Variants in VSTM5 observed in about 807,000 individuals in gnomAD.
The protein encoded by VSTM5 is V-set and transmembrane domain containing 5, also known as V-set and transmembrane domain-containing protein 5.
In VSTM5, 21 loss-of-function variants were observed where a neutral mutation model predicts 20.3. The ratio of observed to expected loss-of-function variants is 1.03; its 90% confidence interval spans 0.73 to 1.49. The LOEUF (loss-of-function observed/expected upper bound fraction) is 1.49, where lower values mean the gene tolerates loss of function less well. Among genes scored for constraint, VSTM5 ranks in the 40% most tolerant of loss-of-function variants. The pLI is 0.00. For missense variants in VSTM5, 219 were observed against 250.0 expected, an observed-to-expected ratio of 0.88 and a Z score of 0.84; for synonymous variants, 100 against 102.5, an observed-to-expected ratio of 0.98 and a Z score of 0.14.
intron 1 of VSTM5, among the ~76,000 whole-genome samples, chr11:93,834,910 A>G (rs1944312076): frequency 1.3e-5 from 2 of 152,264 alleles, no homozygotes; most frequent in South Asian, 4.1e-4. Flanking sequence ...TTCATGAATG[A>G]ACGAACCCAT....
chr11:93,824,576 C>G (rs1475350050), intron 1 of VSTM5, among the ~76,000 whole-genome samples: 1 of 152,146 alleles, frequency 6.6e-6, no homozygotes, highest in Non-Finnish European at 1.5e-5. Flanking sequence ...TGGATATTAA[C>G]CCCTTTCCAG....
At chr11:93,838,426 C>T (rs533344353) in intron 1 of VSTM5, among the ~76,000 whole-genome samples, 1 of 152,094 alleles carries the variant, frequency 6.6e-6, no homozygotes, top group South Asian at 2.1e-4. Flanking sequence ...GAGCCAAGAA[C>T]AGGCCACTGC....
At chr11:93,848,942 C>T (rs1944435497) in intron 1 of VSTM5, among the ~76,000 whole-genome samples, 1 of 152,074 alleles carries the variant, frequency 6.6e-6, no homozygotes, top group African/African-American at 2.4e-5. Context: ...ACAAACACAC[C>T]CATCCACCTG....
rs1431587266 is a variant in VSTM5, at chr11:93,820,765, C to T, written c.537G>A (p.Arg179=). Residue 179 remains arginine (R), a synonymous_variant, in exon 3 of 4, where the codon AGG becomes AGA. Transcript: ENST00000409977. The stretch of plus-strand genomic sequence containing the variant: ...TACCTTTGAGTTTGTGTCTTCTCTT[C>T]CTCTGAAATTTATATGCACACTTAT... The part of the protein sequence containing the change: ...VCNKCAYKFQ[R]KRRHKLKEST... The T allele has an allele frequency of 1.3e-6, 2 of 1,551,562 alleles. No individual in the cohort carries two copies. Among genetic ancestry groups the T allele is most frequent in the Non-Finnish European group, 1.7e-6 (2 of 1,147,020 alleles).
chr11:93,836,010 C>T (rs779252749), intron 1 of VSTM5, among the ~76,000 whole-genome samples: 5 of 152,144 alleles, frequency 3.3e-5, no homozygotes, highest in African/African-American at 1.2e-4. Context: ...CAGATTTGGT[C>T]GTCTGGTGTC....
At chr11:93,826,436 T>C (rs1944238804) in intron 1 of VSTM5, among the ~76,000 whole-genome samples, 1 of 151,372 alleles carries the variant, frequency 6.6e-6, no homozygotes, top group Admixed American at 6.6e-5. Flanking sequence ...CTTGCTCTGT[T>C]GCCCAGGCTG....
chr11:93,838,529 C>T (rs1008193584), intron 1 of VSTM5, among the ~76,000 whole-genome samples: 1 of 150,822 alleles, frequency 6.6e-6, no homozygotes, highest in Non-Finnish European at 1.5e-5. Flanking sequence ...CAGTGGGTCA[C>T]ACCTGTAATC....
Position 93,822,702 on chromosome 11 carries a change from C to T in VSTM5, c.92-1379G>A, listed in dbSNP as rs542902281. 2.2e-3 allele frequency among the ~76,000 whole-genome samples: 340 copies of T among 152,110 alleles called. 2 individuals are homozygous for T. Among genetic ancestry groups the T allele is most frequent in the Non-Finnish European group, 3.6e-3 (246 of 67,994 alleles). ...ATGGGGTTTTGTCATGTTGGCCAGGCTGGTCTTGAACTCCTGGCCTCAATT... is the reference window on the plus strand; with the variant it reads ...ATGGGGTTTTGTCATGTTGGCCAGGTTGGTCTTGAACTCCTGGCCTCAATT... On this transcript the variant is annotated intron_variant, in intron 1 of 3. Coordinates refer to ENST00000409977, the MANE Select transcript of VSTM5 (RefSeq NM_001144871.2).
At chr11:93,842,060 C>T (rs777322495) in intron 1 of VSTM5, among the ~76,000 whole-genome samples, 35 of 152,158 alleles carry the variant, frequency 2.3e-4, no homozygotes, top group Admixed American at 3.3e-4. Context: ...CCGCCTCCTG[C>T]AGCAGAATAA....
intron 1 of VSTM5, among the ~76,000 whole-genome samples, chr11:93,823,229 T>A (rs1332753543): frequency 2.7e-5 from 4 of 150,918 alleles, no homozygotes; most frequent in South Asian, 2.1e-4. Flanking sequence ...AGAGATGAGG[T>A]CTTTCTGTGT....
chr11:93,826,980 C>CT (rs1289430541), intron 1 of VSTM5, among the ~76,000 whole-genome samples: 1 of 152,204 alleles, frequency 6.6e-6, no homozygotes, highest in East Asian at 1.9e-4. Flanking sequence ...TTTGTTAAGC[C>CT]TTGAGAAAAA....
chr11:93,833,709 C>G (rs1033970184), intron 1 of VSTM5, among the ~76,000 whole-genome samples: 9 of 152,168 alleles, frequency 5.9e-5, no homozygotes, highest in African/African-American at 1.9e-4. Context: ...CCACACTCTC[C>G]TCTCTCAACA....
intron 1 of VSTM5, among the ~76,000 whole-genome samples, chr11:93,850,169 GGCGCCGC>G (rs746471883): frequency 6.6e-6 from 1 of 152,142 alleles, no homozygotes; most frequent in East Asian, 1.9e-4. Context: ...AGTGGGCCGG[GGCGCCGC>G]GGCCGGTAGC....
At chr11:93,833,305 A>G (rs1455531702) in intron 1 of VSTM5, among the ~76,000 whole-genome samples, 1 of 152,234 alleles carries the variant, frequency 6.6e-6, no homozygotes, top group Non-Finnish European at 1.5e-5. Flanking sequence ...ATGGATGGGC[A>G]TGGTGGCTCA....
chr11:93,849,514 T>C (rs1210935300), intron 1 of VSTM5, among the ~76,000 whole-genome samples: 1 of 152,200 alleles, frequency 6.6e-6, no homozygotes, highest in Non-Finnish European at 1.5e-5. Context: ...GAGTAGTTTA[T>C]TAGGGTTGCC....
Position 93,821,170 on chromosome 11 carries a change from TTCCACTCCACGATC to T in VSTM5, c.231_244del (p.Ile78ThrfsTer19). 3 of 1,552,230 alleles carry T rather than the reference TTCCACTCCACGATC, an allele frequency of 1.9e-6. No homozygotes were observed. Among genetic ancestry groups the T allele is most frequent in the Non-Finnish European group, 2.6e-6 (3 of 1,147,106 alleles). On this transcript the variant is annotated frameshift_variant, in exon 2 of 4. Transcript: ENST00000409977. LOFTEE classifies it high-confidence loss of function. ...AGAGATGTTGGCCTGAGTCCCTGGTTTCCACTCCACGATCTTCTGCGTTCCCCAATTGGATGAAT... is the reference window on the plus strand; with the variant it reads ...AGAGATGTTGGCCTGAGTCCCTGGTTTTCTGCGTTCCCCAATTGGATGAAT...
intron 1 of VSTM5, among the ~76,000 whole-genome samples, chr11:93,823,968 C>T (rs902396511): frequency 1.8e-4 from 26 of 143,744 alleles, no homozygotes; most frequent in African/African-American, 4.9e-4. Flanking sequence ...AGTGCAGTGG[C>T]GCAATCTCGG....
intron 1 of VSTM5, among the ~76,000 whole-genome samples, chr11:93,843,462 A>C (rs1172167715): frequency 7.6e-6 from 1 of 130,856 alleles, no homozygotes; most frequent in African/African-American, 3.4e-5. Flanking sequence ...ATGTACCTGA[A>C]TGAATGAATG....
At chr11:93,838,620 C>T (rs987940427) in intron 1 of VSTM5, among the ~76,000 whole-genome samples, 4 of 140,674 alleles carry the variant, frequency 2.8e-5, no homozygotes, top group Non-Finnish European at 6.1e-5. Flanking sequence ...GGTGAAATCC[C>T]GTCTCTTAAA....
Sources: allele counts gnomAD v4.1 joint callset (sites outside exome capture counted in the v4.1 genomes callset), GRCh38; gene constraint gnomAD v4.1.1; transcripts MANE v1.5; gene names NCBI Gene and HGNC (gene_info 2026-07-23, HGNC 2026-07-21).